The following TSHZ2 variants were observed in gnomAD, a reference collection of about 807,000 sequenced individuals.
The protein encoded by TSHZ2 is teashirt homolog 2.
Under a neutral mutation model 74.4 loss-of-function variants are expected in TSHZ2, and 21 were observed. The observed-to-expected ratio is 0.28, with a 90% CI of 0.20 to 0.41. The LOEUF is 0.41. Among genes scored for constraint, TSHZ2 ranks in the 10% least tolerant of loss-of-function variants. TSHZ2 has a pLI of 1.00. For synonymous variants in TSHZ2, 540 were observed against 515.3 expected (o/e 1.05, Z -0.65); for missense variants, 1,244 against 1,293.5 (o/e 0.96, Z 0.59).
chr20:53,110,073 G>T (rs562260348), intron 1 of TSHZ2, among the ~76,000 whole-genome samples: 35 of 152,020 alleles, frequency 2.3e-4, no homozygotes, highest in Non-Finnish European at 4.1e-4. Flanking sequence ...AAAAATCAGG[G>T]CGTTTCAGCA....
chr20:53,161,240 C>T (rs776084393), intron 1 of TSHZ2, among the ~76,000 whole-genome samples: 2 of 149,840 alleles, frequency 1.3e-5, no homozygotes, highest in Non-Finnish European at 2.9e-5. Flanking sequence ...TGAATGTCTG[C>T]GGAATGAGTG....
At chr20:53,438,381 A>G (rs1007731202) in intron 2 of TSHZ2, among the ~76,000 whole-genome samples, 6 of 152,142 alleles carry the variant, frequency 3.9e-5, no homozygotes, top group Non-Finnish European at 8.8e-5. Flanking sequence ...GGTGTGAGCC[A>G]CCAAGCCCAG....
At chr20:53,399,545 CAGA>C (rs1427902272) in intron 2 of TSHZ2, 1 of 152,292 alleles carries the variant, frequency 6.6e-6, no homozygotes, top group East Asian at 1.9e-4. Context: ...ATTCGTCATC[CAGA>C]AGGATGCTTT....
intron 2 of TSHZ2, among the ~76,000 whole-genome samples, chr20:53,278,735 G>A (rs1340962454): frequency 1.3e-5 from 2 of 152,068 alleles, no homozygotes; most frequent in Admixed American, 6.6e-5. Context: ...TTCCATGAAA[G>A]CCTATCTAAA....
chr20:53,244,259 G>C (rs1990147774), intron 1 of TSHZ2, among the ~76,000 whole-genome samples: 1 of 152,072 alleles, frequency 6.6e-6, no homozygotes, highest in African/African-American at 2.4e-5. Flanking sequence ...GTGTGTGAGT[G>C]TGTTTATATA....
At chr20:53,088,915 ACT>A (rs954847447) in intron 1 of TSHZ2, among the ~76,000 whole-genome samples, 1 of 152,136 alleles carries the variant, frequency 6.6e-6, no homozygotes, top group African/African-American at 2.4e-5. Flanking sequence ...TATTGGGAGC[ACT>A]GAGTTCCAAG....
At chr20:53,336,552 G>C (rs1261690466) in intron 2 of TSHZ2, among the ~76,000 whole-genome samples, 2 of 152,200 alleles carry the variant, frequency 1.3e-5, no homozygotes, top group African/African-American at 4.8e-5. Context: ...TGAGGATGGA[G>C]CATCCAAGCT....
intron 1 of TSHZ2, among the ~76,000 whole-genome samples, chr20:53,093,271 A>G (rs1049347690): frequency 6.6e-6 from 1 of 152,248 alleles, no homozygotes; most frequent in Admixed American, 6.5e-5. Flanking sequence ...GTTAGATGCT[A>G]CTGTGGCTGC....
At chr20:53,251,829 C>G (rs145032961) in intron 1 of TSHZ2, among the ~76,000 whole-genome samples, 162 of 152,334 alleles carry the variant, frequency 1.1e-3, no homozygotes, top group African/African-American at 3.7e-3. Flanking sequence ...TGAAATTCCA[C>G]TGCTTAACCT....
Position 53,237,547 on chromosome 20 carries a change from TTCTTC to T in TSHZ2, c.41-15950_41-15946del, listed in dbSNP as rs145545917. 2.1e-3 allele frequency among the ~76,000 whole-genome samples: 312 copies of T among 152,080 alleles called. 3 individuals are homozygous for T. The highest frequency in any genetic ancestry group is 7.3e-3 in the African/African-American group (301 of 41,484). ...TGTGTGCGCGTGCATCTGAATTTCT[TTCTTC>T]TACATACGAAAAATATAGACAAAAA... On this transcript the variant is annotated intron_variant, in intron 1 of 2. Coordinates refer to ENST00000371497, the MANE Select transcript of TSHZ2 (RefSeq NM_173485.6).
intron 1 of TSHZ2, among the ~76,000 whole-genome samples, chr20:53,050,972 G>C (rs1984436573): frequency 6.6e-6 from 1 of 152,176 alleles, no homozygotes; most frequent in Non-Finnish European, 1.5e-5. Context: ...GCTTTCAATA[G>C]ATTAATACAC....
intron 1 of TSHZ2, among the ~76,000 whole-genome samples, chr20:53,014,991 C>T (rs572335600): frequency 3.8e-4 from 58 of 152,190 alleles, no homozygotes; most frequent in Non-Finnish European, 5.9e-4. Context: ...CCTACCTCCC[C>T]ACCTCTCCAG....
At chr20:53,281,961 G>T (rs142238111) in intron 2 of TSHZ2, among the ~76,000 whole-genome samples, 119 of 152,296 alleles carry the variant, frequency 7.8e-4, no homozygotes, top group African/African-American at 2.7e-3. Context: ...GCGACCAGGG[G>T]ACATCCCCAG....
intron 2 of TSHZ2, among the ~76,000 whole-genome samples, chr20:53,284,774 TAGAGAGAGGAAG>T (rs1991134127): frequency 8.9e-6 from 1 of 112,310 alleles, no homozygotes. Flanking sequence ...GAGAGAGAAA[TAGAGAGAGGAAG>T]AGAGAGAGGA....
At chr20:53,415,617 C>T (rs1406239950) in intron 2 of TSHZ2, among the ~76,000 whole-genome samples, 1 of 4,454 alleles carries the variant, frequency 2.2e-4, no homozygotes, top group South Asian at 6.8e-3. Context: ...TGTATAATAT[C>T]CTAACCCCAT....
chr20:53,034,295 A>G (rs952456244), intron 1 of TSHZ2, among the ~76,000 whole-genome samples: 2 of 152,198 alleles, frequency 1.3e-5, no homozygotes, highest in African/African-American at 4.8e-5. Context: ...GTTATTTGTA[A>G]TAACAGCTGC....
chr20:53,102,475 AGAGGGGAGAG>A (rs199688933), intron 1 of TSHZ2, among the ~76,000 whole-genome samples: 2,143 of 145,952 alleles, frequency 0.015, 45 homozygotes, highest in African/African-American at 0.051. Flanking sequence ...GGAGGGAAGA[AGAGGGGAGAG>A]GAGGGGAGAG....
chr20:53,362,682 G>T (rs1263264035), intron 2 of TSHZ2, among the ~76,000 whole-genome samples: 2 of 152,086 alleles, frequency 1.3e-5, no homozygotes, highest in East Asian at 1.9e-4. Flanking sequence ...GTCACATTCA[G>T]TGTTTCTATG....
chr20:53,401,475 G>C (rs1982655885), intron 2 of TSHZ2, among the ~76,000 whole-genome samples: 2 of 152,092 alleles, frequency 1.3e-5, no homozygotes, highest in South Asian at 4.1e-4. Flanking sequence ...TGATTTCTGA[G>C]ATTTTGGTGT....
Sources: gnomAD v4.1 joint callset for allele counts (sites outside exome capture counted in the v4.1 genomes callset) on GRCh38, gnomAD v4.1.1 for gene constraint, MANE v1.5 for transcripts, NCBI Gene and HGNC (gene_info 2026-07-23, HGNC 2026-07-21) for gene names.